The following SLC25A13 variants were observed in gnomAD, a reference collection of about 807,000 sequenced individuals.
SLC25A13 encodes the protein solute carrier family 25 member 13.
Under a neutral mutation model 85.5 loss-of-function variants are expected in SLC25A13, and 70 were observed. That is an observed-to-expected ratio of 0.82 (90% CI 0.68 to 1.00). The LOEUF is 1.00. SLC25A13 is among the 50% of genes least tolerant of loss of function. The pLI is 0.00. For missense variants in SLC25A13, 765 were observed against 819.8 expected (o/e 0.93, Z 0.82); for synonymous variants, 259 against 288.7 (o/e 0.90, Z 1.04).
At chr7:96,147,937 T>A (rs1174482292) in intron 13 of SLC25A13, among the ~76,000 whole-genome samples, 1 of 152,122 alleles carries the variant, frequency 6.6e-6, no homozygotes. Context: ...TTCCTTTTTT[T>A]TTTTTGATGT....
intron 2 of SLC25A13, among the ~76,000 whole-genome samples, chr7:96,290,835 C>CT (rs927922115): frequency 1.3e-5 from 2 of 152,136 alleles, no homozygotes; most frequent in African/African-American, 4.8e-5. Context: ...TAATGGGAGA[C>CT]TTTAACACCC....
At chr7:96,274,760 T>C (rs975021995) in intron 3 of SLC25A13, among the ~76,000 whole-genome samples, 7 of 152,260 alleles carry the variant, frequency 4.6e-5, no homozygotes, top group African/African-American at 1.2e-4. Flanking sequence ...ATTTACTAAA[T>C]AGGGAATCCT....
Position 96,121,283 on chromosome 7 carries a change from T to C in SLC25A13, c.1936A>G (p.Thr646Ala), listed in dbSNP as rs748153245. The C allele has an allele frequency of 1.2e-6, 2 of 1,614,156 alleles. No individual in the cohort carries two copies. The highest frequency in any genetic ancestry group is 1.7e-6 in the Non-Finnish European group (2 of 1,180,026). The change falls in exon 18 of 18, where the codon ACA becomes GCA. Residue 646 changes from threonine to alanine, a missense_variant. Transcript: ENST00000265631. ...HVGGYKLAVA[T>A]FAGIENKFGL... ...AATTTGTTTTCAATCCCTGCAAATG[T>C]AGCAACTGCCAGTTTGTAGCCCCCA...
intron 3 of SLC25A13, among the ~76,000 whole-genome samples, chr7:96,238,450 A>G (rs1413826589): frequency 6.6e-6 from 1 of 151,710 alleles, no homozygotes; most frequent in South Asian, 2.1e-4. Flanking sequence ...CAGCAGCCTG[A>G]GGAAACTAAT....
chr7:96,275,758 G>T (rs981734561), intron 3 of SLC25A13, among the ~76,000 whole-genome samples: 2 of 152,058 alleles, frequency 1.3e-5, no homozygotes, highest in African/African-American at 2.4e-5. Flanking sequence ...AGTGGGGAGG[G>T]ATAGCATTAG....
chr7:96,306,321 C>A (rs140737015), intron 1 of SLC25A13, among the ~76,000 whole-genome samples: 73 of 152,334 alleles, frequency 4.8e-4, no homozygotes, highest in African/African-American at 1.7e-3. Flanking sequence ...ACCTTCAGGG[C>A]AAGGGCAGGG....
rs1491244075 is a variant in SLC25A13, at chr7:96,120,647, CAT to C, written c.*542_*543del. Reference sequence around the variant, plus strand: ...CAATGTGGTTTTCATTACAAAGAAACATGTTTCACATAAAAGCTTCATAATAT... The same window carrying C: ...CAATGTGGTTTTCATTACAAAGAAACGTTTCACATAAAAGCTTCATAATAT... On this transcript the variant is annotated 3_prime_UTR_variant, in exon 18 of 18. Coordinates refer to ENST00000265631, the MANE Select transcript of SLC25A13 (RefSeq NM_014251.3). 6 of 454,452 alleles carry C rather than the reference CAT, an allele frequency of 1.3e-5. No homozygotes were observed. Among genetic ancestry groups the C allele is most frequent in the South Asian group, 7.8e-5 (5 of 64,462 alleles). The allele number at this position is 454,452 out of a possible 1,614,324, so 28.2% of individuals were successfully genotyped here.
chr7:96,320,301 C>G (rs7793767), intron 1 of SLC25A13, among the ~76,000 whole-genome samples: 96,756 of 152,118 alleles, frequency 0.64, 31,144 homozygotes, highest in Non-Finnish European at 0.67. Flanking sequence ...GCCACAGCAC[C>G]AGGTCACTTA....
intron 13 of SLC25A13, among the ~76,000 whole-genome samples, chr7:96,161,552 T>C (rs753871126): frequency 6.6e-5 from 10 of 152,210 alleles, no homozygotes; most frequent in Non-Finnish European, 1.3e-4. Context: ...GCTGTAACAG[T>C]GCAACACAGG....
intron 3 of SLC25A13, among the ~76,000 whole-genome samples, chr7:96,237,053 C>T (rs909979295): frequency 3.9e-5 from 6 of 152,222 alleles, no homozygotes; most frequent in African/African-American, 1.4e-4. Context: ...ATGCCCAAGA[C>T]ACTTTCCAAA....
At chr7:96,147,136 G>A (rs1008127962) in intron 13 of SLC25A13, among the ~76,000 whole-genome samples, 5 of 147,862 alleles carry the variant, frequency 3.4e-5, no homozygotes, top group Admixed American at 6.6e-5. Flanking sequence ...AGAACAGAAC[G>A]GGGACTAGGA....
At chr7:96,150,686 C>G (rs1057208264) in intron 13 of SLC25A13, among the ~76,000 whole-genome samples, 4 of 152,006 alleles carry the variant, frequency 2.6e-5, no homozygotes, top group Non-Finnish European at 5.9e-5. Flanking sequence ...AGAGAAGACA[C>G]AGGGAAAAAG....
At chr7:96,296,813 G>A (rs1189564583) in intron 2 of SLC25A13, 85 bp downstream of exon 2, 10 of 1,352,646 alleles carry the variant, frequency 7.4e-6, no homozygotes, top group South Asian at 5.9e-5. Context: ...ATATAACAAC[G>A]AAATAAAGAG....
At chr7:96,181,204 C>T (rs1323390479) in intron 11 of SLC25A13, among the ~76,000 whole-genome samples, 1 of 152,076 alleles carries the variant, frequency 6.6e-6, no homozygotes, top group African/African-American at 2.4e-5. Flanking sequence ...AAAACTTACA[C>T]AAAAATAGGA....
chr7:96,318,553 A>T (rs1038203410), intron 1 of SLC25A13, among the ~76,000 whole-genome samples: 2 of 152,264 alleles, frequency 1.3e-5, no homozygotes, highest in East Asian at 1.9e-4. Context: ...ATTAATGTTC[A>T]TTCACGAAAG....
intron 1 of SLC25A13, chr7:96,306,955 T>C (rs954445274): frequency 6.4e-5 from 56 of 879,452 alleles, no homozygotes; most frequent in African/African-American, 4.0e-4. Flanking sequence ...TTTCCTCCTG[T>C]AGTGACCACA....
chr7:96,280,174 T>C (rs1431967592), intron 2 of SLC25A13, among the ~76,000 whole-genome samples: 1 of 152,206 alleles, frequency 6.6e-6, no homozygotes, highest in African/African-American at 2.4e-5. Flanking sequence ...AAAGTTCTGT[T>C]AGGACAGAAT....
At chr7:96,244,425 C>T (rs1030787246) in intron 3 of SLC25A13, among the ~76,000 whole-genome samples, 1 of 152,202 alleles carries the variant, frequency 6.6e-6, no homozygotes, top group African/African-American at 2.4e-5. Flanking sequence ...CTAATCTGAT[C>T]TGAAAAGAGA....
chr7:96,136,707 T>C (rs969977639), intron 14 of SLC25A13, among the ~76,000 whole-genome samples: 2 of 152,182 alleles, frequency 1.3e-5, no homozygotes, highest in African/African-American at 4.8e-5. Context: ...AACACAGCTC[T>C]AAACAGACTA....
Sources: allele counts gnomAD v4.1 joint callset (sites outside exome capture counted in the v4.1 genomes callset), GRCh38; gene constraint gnomAD v4.1.1; transcripts MANE v1.5; gene names NCBI Gene and HGNC (gene_info 2026-07-23, HGNC 2026-07-21).